The following CELF2 variants were observed in gnomAD, a reference collection of about 807,000 sequenced individuals.
The protein encoded by CELF2 is CUGBP Elav-like family member 2, also known as CUG triplet repeat RNA-binding protein 2.
CELF2 carries 8 observed loss-of-function variants against 62.6 expected under a neutral mutation model. That is an observed-to-expected ratio of 0.13 (90% CI 0.07 to 0.23). The LOEUF is 0.23. Ranked by LOEUF, CELF2 falls within the 10% of genes least tolerant of loss-of-function variation. The pLI, the probability that CELF2 is intolerant of heterozygous loss-of-function variation, is 1.00. For synonymous variants in CELF2, 258 were observed against 250.0 expected (o/e 1.03, Z -0.30); for missense variants, 333 against 671.0 (o/e 0.50, Z 5.56).
the CELF2 span, among the ~76,000 whole-genome samples, chr10:10,756,695 C>G: frequency 1.9e-4 from 29 of 152,222 alleles, no homozygotes; most frequent in South Asian, 2.3e-3. Context: ...AACTACCACT[C>G]TATTCACATC....
At chr10:11,031,222 A>T (rs1805839263) in intron 1 of CELF2, among the ~76,000 whole-genome samples, 1 of 152,158 alleles carries the variant, frequency 6.6e-6, no homozygotes, top group South Asian at 2.1e-4. Flanking sequence ...TTTCTACAGT[A>T]ACATCCGTTT....
At chr10:10,659,356 CT>C in the CELF2 span, among the ~76,000 whole-genome samples, 1 of 152,144 alleles carries the variant, frequency 6.6e-6, no homozygotes, top group Admixed American at 6.5e-5. Context: ...CTAAAATGCC[CT>C]CAGTATTGCA....
chr10:11,111,054 C>A (rs1240649158), intron 1 of CELF2, among the ~76,000 whole-genome samples: 1 of 152,182 alleles, frequency 6.6e-6, no homozygotes, highest in Non-Finnish European at 1.5e-5. Context: ...CACCCTTTTC[C>A]ATCCTGCTAC....
At chr10:11,189,757 G>A (rs2075852668) in intron 2 of CELF2, among the ~76,000 whole-genome samples, 1 of 152,148 alleles carries the variant, frequency 6.6e-6, no homozygotes, top group Non-Finnish European at 1.5e-5. Flanking sequence ...CCTGTCCCTG[G>A]TTCTTTTCTC....
rs2055097657 is a variant in CELF2 at position 11,005,556 on chromosome 10, A to G, written c.53+116A>G. 6.8e-7 allele frequency: 1 copy of G among 1,469,762 alleles called. No homozygotes were observed. The allele number at this position is 1,469,762 out of a possible 1,614,324, so 91.0% of individuals were successfully genotyped here. On this transcript the variant is annotated intron_variant, in intron 1 of 12. Coordinates refer to the CELF2 transcript ENST00000416382. The surrounding 1 kb of genome is among the most constrained non-coding windows in gnomAD (Gnocchi z 4.3). ...CCTTACCTTAGAAGAGAAGGGGGGA[A>G]AAAGAATCTAAAGAGGAAGAGGGAG...
chr10:11,018,592 C>T (rs994266198), intron 1 of CELF2, among the ~76,000 whole-genome samples: 1 of 146,178 alleles, frequency 6.8e-6, no homozygotes, highest in Non-Finnish European at 1.5e-5. Flanking sequence ...GACCGGCGAG[C>T]CGGGCGCGGA....
At chr10:10,557,302 A>G in the CELF2 span, among the ~76,000 whole-genome samples, 3 of 150,654 alleles carry the variant, frequency 2.0e-5, no homozygotes. Flanking sequence ...TCCTTTCCCC[A>G]TTGCTGGTTT....
chr10:10,518,298 AGACAAATAC>A, the CELF2 span, among the ~76,000 whole-genome samples: 1 of 152,204 alleles, frequency 6.6e-6, no homozygotes, highest in Admixed American at 6.6e-5. Flanking sequence ...AATGGACTTG[AGACAAATAC>A]TGAGCTTTCT....
chr10:10,976,779 G>A (rs552152141), intron 2 of CELF2, among the ~76,000 whole-genome samples: 1 of 152,020 alleles, frequency 6.6e-6, no homozygotes, highest in East Asian at 1.9e-4. Flanking sequence ...CACCTTTCAG[G>A]GTCTGACTTC....
intron 1 of CELF2, among the ~76,000 whole-genome samples, chr10:11,035,737 C>A (rs1252543947): frequency 6.6e-6 from 1 of 152,172 alleles, no homozygotes; most frequent in Non-Finnish European, 1.5e-5. Context: ...TTATACCCAG[C>A]TGTTTGTTAT....
chr10:10,959,693 C>T (rs2049279479), intron 2 of CELF2, among the ~76,000 whole-genome samples: 1 of 152,204 alleles, frequency 6.6e-6, no homozygotes, highest in African/African-American at 2.4e-5. Flanking sequence ...CTCCTTGCAT[C>T]TTTCTGGTCC....
intron 1 of CELF2, among the ~76,000 whole-genome samples, chr10:11,144,051 T>G (rs2061804264): frequency 6.6e-6 from 1 of 152,172 alleles, no homozygotes; most frequent in Non-Finnish European, 1.5e-5. Flanking sequence ...CATTTTCTTT[T>G]CATTTTTGGG....
the CELF2 span, among the ~76,000 whole-genome samples, chr10:10,582,316 A>G: frequency 3.9e-5 from 6 of 152,210 alleles, no homozygotes; most frequent in East Asian, 1.9e-4. Context: ...GATGAAATCC[A>G]TTGTTACATA....
the CELF2 span, among the ~76,000 whole-genome samples, chr10:10,466,563 G>C: frequency 6.6e-6 from 1 of 150,560 alleles, no homozygotes; most frequent in Admixed American, 6.6e-5. Context: ...CAGGTAAACA[G>C]CTAGAATTGA....
intron 1 of CELF2, among the ~76,000 whole-genome samples, chr10:11,066,609 G>A (rs900944287): frequency 6.6e-6 from 1 of 152,084 alleles, no homozygotes; most frequent in African/African-American, 2.4e-5. Context: ...TCAGCCTCAG[G>A]CTCTTTAACC....
At chr10:11,029,634 AG>A (rs1264237089) in intron 1 of CELF2, among the ~76,000 whole-genome samples, 5 of 152,200 alleles carry the variant, frequency 3.3e-5, no homozygotes, top group Non-Finnish European at 4.4e-5. Context: ...TGCTGGAGGC[AG>A]GGGGGCCTTT....
chr10:11,136,853 C>T (rs1293301141), intron 1 of CELF2, among the ~76,000 whole-genome samples: 3 of 152,082 alleles, frequency 2.0e-5, no homozygotes, highest in Admixed American at 6.5e-5. Flanking sequence ...AATTTGCTGC[C>T]GTAAGGTATT....
chr10:10,567,220 G>T, the CELF2 span, among the ~76,000 whole-genome samples: 1 of 152,150 alleles, frequency 6.6e-6, no homozygotes, highest in Non-Finnish European at 1.5e-5. Context: ...AGAAGGAATA[G>T]AAATAAACTG....
chr10:11,195,484 C>T (rs1244128238), intron 2 of CELF2, among the ~76,000 whole-genome samples: 2 of 152,194 alleles, frequency 1.3e-5, no homozygotes, highest in Non-Finnish European at 1.5e-5. Flanking sequence ...CTTCCACATC[C>T]ATCCAGGCGG....
Sources: gnomAD v4.1 joint callset for allele counts (sites outside exome capture counted in the v4.1 genomes callset) on GRCh38, gnomAD v4.1.1 for gene constraint, Gnocchi (gnomAD v3.1) non-coding constraint, MANE v1.5 for transcripts, NCBI Gene and HGNC (gene_info 2026-07-23, HGNC 2026-07-21) for gene names.